AIG1: variants seen among roughly 807,000 people sequenced by gnomAD.
The protein encoded by AIG1 is androgen-induced gene 1 protein.
In AIG1, 23 loss-of-function variants were observed where a neutral mutation model predicts 31.4. The ratio of observed to expected loss-of-function variants is 0.73; its 90% confidence interval spans 0.53 to 1.04. The LOEUF is 1.04. Ranked by LOEUF, AIG1 falls within the 50% of genes least tolerant of loss-of-function variation. The probability of loss-of-function intolerance (pLI) is 0.00; values close to 1 mark genes in which losing one functional copy is unlikely to be tolerated. For missense variants in AIG1, 274 were observed against 295.0 expected (o/e 0.93, Z 0.52); for synonymous variants, 100 against 110.5 (o/e 0.90, Z 0.60).
intron 4 of AIG1, among the ~76,000 whole-genome samples, chr6:143,300,183 C>T (rs988658982): frequency 1.3e-5 from 2 of 152,098 alleles, no homozygotes; most frequent in Admixed American, 6.5e-5. Flanking sequence ...GGACTGGGGA[C>T]CAATGAGCAT....
chr6:143,324,134 T>C (rs1387416239), intron 4 of AIG1, among the ~76,000 whole-genome samples: 1 of 152,188 alleles, frequency 6.6e-6, no homozygotes, highest in Non-Finnish European at 1.5e-5. Flanking sequence ...TGCCAAGCCA[T>C]GCAGTAAATT....
intron 1 of AIG1, among the ~76,000 whole-genome samples, chr6:143,086,552 A>G (rs767844664): frequency 1.3e-5 from 2 of 152,114 alleles, no homozygotes; most frequent in African/African-American, 2.4e-5. Flanking sequence ...ATAACTGCCC[A>G]TGTTGAGAGC....
intron 3 of AIG1, chr6:143,186,847 ATCT>A (rs1347834232): frequency 1.3e-5 from 2 of 154,612 alleles, no homozygotes; most frequent in African/African-American, 2.4e-5. Context: ...TGTTCAAATG[ATCT>A]TCTTAAATTT....
chr6:143,233,645 A>G (rs1442002283), intron 3 of AIG1, among the ~76,000 whole-genome samples: 1 of 152,082 alleles, frequency 6.6e-6, no homozygotes, highest in Non-Finnish European at 1.5e-5. Context: ...GAAGTGAGGT[A>G]TAGAAATAGC....
intron 2 of AIG1, among the ~76,000 whole-genome samples, chr6:143,139,172 G>T (rs934303090): frequency 1.3e-5 from 2 of 152,168 alleles, no homozygotes; most frequent in African/African-American, 4.8e-5. Flanking sequence ...TATAAAACAA[G>T]TGGTGGCCTT....
At chr6:143,153,223 A>G (rs1031324267) in intron 2 of AIG1, among the ~76,000 whole-genome samples, 2 of 152,242 alleles carry the variant, frequency 1.3e-5, no homozygotes, top group East Asian at 1.9e-4. Context: ...AGACCCAGGT[A>G]TCAGTTAGGA....
intron 1 of AIG1, among the ~76,000 whole-genome samples, chr6:143,079,418 A>G (rs761986241): frequency 2.2e-4 from 33 of 152,102 alleles, no homozygotes; most frequent in Non-Finnish European, 3.1e-4. Flanking sequence ...CTGTACCCTT[A>G]TGGGTCCTTA....
intron 2 of AIG1, among the ~76,000 whole-genome samples, chr6:143,138,065 C>A (rs1195856707): frequency 1.3e-5 from 2 of 152,168 alleles, no homozygotes; most frequent in Non-Finnish European, 2.9e-5. Context: ...CACTGAATTG[C>A]TTTTTCTGTG....
At chr6:143,110,218 G>A (rs367980775) in intron 1 of AIG1, among the ~76,000 whole-genome samples, 15 of 152,068 alleles carry the variant, frequency 9.9e-5, no homozygotes, top group South Asian at 4.1e-4. Flanking sequence ...ATACCATTCC[G>A]ATGACTATAA....
chr6:143,275,765 G>A (rs1029994675), intron 3 of AIG1, among the ~76,000 whole-genome samples: 2 of 152,194 alleles, frequency 1.3e-5, no homozygotes, highest in South Asian at 4.1e-4. Context: ...TGGTCTGCAA[G>A]TCTGCATACA....
intron 3 of AIG1, among the ~76,000 whole-genome samples, chr6:143,246,338 G>A (rs1194336646): frequency 6.6e-6 from 1 of 152,086 alleles, no homozygotes; most frequent in Non-Finnish European, 1.5e-5. Flanking sequence ...CAATCATCGT[G>A]GAAGGCAAGG....
rs928530094 is a variant in AIG1, at chr6:143,280,629, C to T, written c.400-3481C>T. Among the ~76,000 whole-genome samples the T allele has an allele frequency of 3.3e-5, 5 of 152,108 alleles. No individual in the cohort carries two copies. Among genetic ancestry groups the T allele is most frequent in the South Asian group, 2.1e-4 (1 of 4,824 alleles). On this transcript the variant is annotated intron_variant, in intron 3 of 5. Coordinates refer to ENST00000357847, the MANE Select transcript of AIG1 (RefSeq NM_016108.4). The surrounding 1 kb of genome is among the most constrained non-coding windows in gnomAD (Gnocchi z 4.1). ...AGCAAACTAATGCAGGAACAGAAAA[C>T]CAAACACCGCATGTTCTCACTTATA... is the stretch of plus-strand genomic sequence containing the variant.
rs9373378 is a variant in AIG1, at chr6:143,198,282, A to T, written c.399+33099A>T. On this transcript the variant is annotated intron_variant, in intron 3 of 5. Coordinates refer to ENST00000357847, the MANE Select transcript of AIG1 (RefSeq NM_016108.4). The stretch of plus-strand genomic sequence containing the variant: ...TAGGAGGTGGCGAGGGAAAATGCAA[A>T]CAAAAGTTTGCCTAGAACCAAACCC... Among the ~76,000 whole-genome samples, 472 of 152,316 alleles carry T rather than the reference A, an allele frequency of 3.1e-3. 9 individuals are homozygous for T. In the East Asian group the frequency reaches 0.064, roughly 21 times the overall value.
chr6:143,102,564 T>C (rs1481367506), intron 1 of AIG1, among the ~76,000 whole-genome samples: 1 of 147,764 alleles, frequency 6.8e-6, no homozygotes, highest in Non-Finnish European at 1.5e-5. Context: ...GATAATGTTA[T>C]ATAAATATAT....
intron 1 of AIG1, among the ~76,000 whole-genome samples, chr6:143,129,839 A>ATAT (rs1374427155): frequency 6.6e-6 from 1 of 151,628 alleles, no homozygotes; most frequent in Non-Finnish European, 1.5e-5. Flanking sequence ...AGGTACATCT[A>ATAT]TATTTAAGAT....
chr6:143,222,893 T>C (rs964938977), intron 3 of AIG1, among the ~76,000 whole-genome samples: 34 of 152,330 alleles, frequency 2.2e-4, no homozygotes, highest in Middle Eastern at 3.4e-3. Context: ...GATACATCTT[T>C]AAGTCTTACT....
intron 2 of AIG1, among the ~76,000 whole-genome samples, chr6:143,163,981 G>T (rs1786672258): frequency 6.6e-6 from 1 of 152,000 alleles, no homozygotes; most frequent in South Asian, 2.1e-4. Context: ...ACCTTTTACT[G>T]CCTCTACCTG....
At chr6:143,073,092 A>T (rs961498330) in intron 1 of AIG1, among the ~76,000 whole-genome samples, 7 of 151,880 alleles carry the variant, frequency 4.6e-5, no homozygotes, top group African/African-American at 1.2e-4. Flanking sequence ...GTATATTTGA[A>T]TTTTTTTTGG....
At chr6:143,059,438 TTTTTTA>T (rs1016284200), upstream of AIG1, among the ~76,000 whole-genome samples, 5 of 152,200 alleles carry the variant, frequency 3.3e-5, no homozygotes, top group African/African-American at 9.7e-5. Context: ...AGATCTACTC[TTTTTTA>T]TTTTTATTTT....
Sources: gnomAD v4.1 joint callset for allele counts (sites outside exome capture counted in the v4.1 genomes callset) on GRCh38, gnomAD v4.1.1 for gene constraint, Gnocchi (gnomAD v3.1) non-coding constraint, MANE v1.5 for transcripts, NCBI Gene and HGNC (gene_info 2026-07-23, HGNC 2026-07-21) for gene names.